ETFBKMT: variants seen among roughly 807,000 people sequenced by gnomAD.
The protein encoded by ETFBKMT is electron transfer flavoprotein subunit beta lysine methyltransferase.
Under a neutral mutation model 18.3 loss-of-function variants are expected in ETFBKMT, and 13 were observed. The ratio of observed to expected loss-of-function variants is 0.71; its 90% confidence interval spans 0.46 to 1.13. The LOEUF (loss-of-function observed/expected upper bound fraction) is 1.13. Among genes scored for constraint, ETFBKMT ranks in the 50% most tolerant of loss-of-function variants. ETFBKMT has a pLI of 0.00. For synonymous variants in ETFBKMT, 84 were observed against 107.9 expected (o/e 0.78, Z 1.37); for missense variants, 293 against 306.2 (o/e 0.96, Z 0.32).
chr12:31,662,021 G>C lies in ETFBKMT; in HGVS notation c.68G>C (p.Ser23Thr), dbSNP rs1951130623. 1.2e-6 allele frequency: 2 copies of C among 1,614,112 alleles called. No homozygotes were observed. Among genetic ancestry groups the C allele is most frequent in the South Asian group, 2.2e-5 (2 of 91,092 alleles). ...GGTCTCCTCTTGCAGGCTCTGCGAA[G>C]CAGTGGTCTTCTCTTGTTTCCCTGT... is the stretch of plus-strand genomic sequence containing the variant. ...HCGLLLQALRSSGLLLFPCGQ... is the reference protein window; with the variant it reads ...HCGLLLQALRTSGLLLFPCGQ... Residue 23 changes from serine to threonine, a missense_variant, in exon 2 of 4, where the codon AGC (serine) becomes ACC (threonine). Physicochemically the swap from Ser to Thr is moderately conservative, Grantham distance 58. Coordinates refer to ENST00000357721, the MANE Select transcript of ETFBKMT (RefSeq NM_001135863.2).
chr12:31,669,001 GTTTT>G lies in ETFBKMT; in HGVS notation c.*1015_*1018del, dbSNP rs1156993710. 2 of 152,080 alleles carry G rather than the reference GTTTT, an allele frequency of 1.3e-5. No homozygotes were observed. Among genetic ancestry groups the G allele is most frequent in the Non-Finnish European group, 2.9e-5 (2 of 68,026 alleles). The allele number at this position is 152,080 out of a possible 1,614,324, so 9.4% of individuals were successfully genotyped here. A position where few individuals can be genotyped will look rare whatever the true frequency, so the allele number is the denominator to read the frequency against. On this transcript the variant is annotated 3_prime_UTR_variant, in exon 4 of 4. Transcript: ENST00000357721. The stretch of plus-strand genomic sequence containing the variant: ...CTGATGCTTGTTTTCTTTTCAGACT[GTTTT>G]TTTGTCTTTTAGCATGCCTTGTAAT...
chr12:31,666,058 C>T (rs375574876), intron 2 of ETFBKMT, 29 bp from the exon 3 acceptor site: 2 of 1,597,524 alleles, frequency 1.3e-6, no homozygotes, highest in Non-Finnish European at 1.7e-6. Context: ...CCTCATCTCT[C>T]TGAGACATGT....
At chr12:31,656,847 G>A (rs1281900887), upstream of ETFBKMT, among the ~76,000 whole-genome samples, 3 of 152,104 alleles carry the variant, frequency 2.0e-5, no homozygotes, top group Non-Finnish European at 2.9e-5. Flanking sequence ...ATTCAAGTTT[G>A]ATCCTCTCAC....
upstream of ETFBKMT, among the ~76,000 whole-genome samples, chr12:31,659,004 G>A (rs1246473311): frequency 6.6e-6 from 1 of 150,692 alleles, no homozygotes; most frequent in African/African-American, 2.4e-5. Flanking sequence ...AGTGCGACTG[G>A]CACATAGTAG....
At chr12:31,665,541 G>A (rs746150257) in intron 2 of ETFBKMT, among the ~76,000 whole-genome samples, 6 of 151,660 alleles carry the variant, frequency 4.0e-5, no homozygotes, top group South Asian at 2.1e-4. Context: ...AGACCAGCTC[G>A]GCTGGGGAGA....
chr12:31,662,311 G>C (rs1223343875), intron 2 of ETFBKMT, 44 bp downstream of exon 2: 3 of 1,575,986 alleles, frequency 1.9e-6, no homozygotes, highest in Non-Finnish European at 2.6e-6. Context: ...GATCTTTGCT[G>C]TTTTCAGTTC....
At chr12:31,661,787 A>G in intron 1 of ETFBKMT, 54 bp from the exon 2 acceptor site, 1 of 663,834 alleles carries the variant, frequency 1.5e-6, no homozygotes, top group South Asian at 1.9e-5. Context: ...AATAGGATCT[A>G]GAAATGTTGC....
In ETFBKMT at chr12:31,669,183, G is replaced by C. The variant is rs1565753561; in HGVS notation, c.*1193G>C. 6.6e-6 allele frequency: 1 copy of C among 152,134 alleles called. No individual in the cohort carries two copies. The highest frequency in any genetic ancestry group is 1.5e-5 in the Non-Finnish European group (1 of 68,036). 9.4% of individuals were successfully genotyped at this position (152,134 alleles called of 1,614,324 possible). A position where few individuals can be genotyped will look rare whatever the true frequency, so the allele number is the denominator to read the frequency against. Reference sequence around the variant, plus strand: ...TAGTGTCCTGGCTATTGTCTCCTCTGTTATCTTTGAGTTTCCCTAGAGATT... The same window carrying C: ...TAGTGTCCTGGCTATTGTCTCCTCTCTTATCTTTGAGTTTCCCTAGAGATT... On this transcript the variant is annotated 3_prime_UTR_variant, in exon 4 of 4. Transcript: ENST00000357721.
chr12:31,650,533 C>T (rs1267223148), intron 1 of ETFBKMT, among the ~76,000 whole-genome samples: 1 of 151,744 alleles, frequency 6.6e-6, no homozygotes, highest in African/African-American at 2.4e-5. Context: ...TTCTTTCTTG[C>T]GTGAGATCCA....
rs11833865 is a variant in ETFBKMT, at chr12:31,668,082, T to C, written c.*92T>C. 4,473 of 980,308 alleles carry C rather than the reference T, an allele frequency of 4.6e-3. 122 individuals carry two copies. In the African/African-American group the frequency reaches 0.064, roughly 14 times the overall value. The allele number at this position is 980,308 out of a possible 1,614,324, so 60.7% of individuals were successfully genotyped here. On this transcript the variant is annotated 3_prime_UTR_variant, in exon 4 of 4. Coordinates refer to ENST00000357721, the MANE Select transcript of ETFBKMT (RefSeq NM_001135863.2). ...AGGAGATACTCTCCAGTTTAATGAA[T>C]GTAATTCTTGTTAAATGGAAAATCT...
chr12:31,657,001 C>A (rs569989383), upstream of ETFBKMT, among the ~76,000 whole-genome samples: 40 of 152,282 alleles, frequency 2.6e-4, no homozygotes, highest in Non-Finnish European at 5.6e-4. Context: ...CTTATTAAAT[C>A]TTCCTAAAAC....
At position 31,649,141 on chromosome 12, in the gene ETFBKMT, G is replaced by A. The variant is rs1483546250; in HGVS notation, c.-114+1886G>A. 3.9e-5 allele frequency among the ~76,000 whole-genome samples: 6 copies of A among 152,150 alleles called. No homozygotes were observed. The South Asian group carries it at 6.2e-4, about 16-fold the overall frequency. On this transcript the variant is annotated intron_variant, in intron 1 of 3. Coordinates refer to the ETFBKMT transcript ENST00000412352. The stretch of plus-strand genomic sequence containing the variant: ...TAATGTTTTGTATTTTAGTAGAGAC[G>A]GGGTTTCACCGTGTTGCCCAGGCTG...
chr12:31,672,469 A>G lies in ETFBKMT; in HGVS notation c.*4479A>G. 1 of 903,766 alleles carries G rather than the reference A, an allele frequency of 1.1e-6. No homozygotes were observed. The allele number at this position is 903,766 out of a possible 1,614,324, so 56.0% of individuals were successfully genotyped here. A position where few individuals can be genotyped will look rare whatever the true frequency, so the allele number is the denominator to read the frequency against. The stretch of plus-strand genomic sequence containing the variant: ...AACTGGAGGTGATGTTAATTATTAT[A>G]CAGTTATTTAAAGGATTAAAGGAGG... On this transcript the variant is annotated 3_prime_UTR_variant, in exon 4 of 4. Coordinates refer to ENST00000357721, the MANE Select transcript of ETFBKMT (RefSeq NM_001135863.2).
At chr12:31,665,162 C>T (rs1951178078) in intron 2 of ETFBKMT, among the ~76,000 whole-genome samples, 2 of 152,098 alleles carry the variant, frequency 1.3e-5, no homozygotes, top group African/African-American at 4.8e-5. Context: ...GTCTCGAACT[C>T]CTGACCTCAG....
Position 31,661,966 on chromosome 12 carries a change from C to A in ETFBKMT, c.13C>A (p.Leu5Ile), listed in dbSNP as rs1156250727. ...GGGGAAAGGACTGATGGCTTTGAGT[C>A]TAGGTTGGAAAGCACACAGGAACCA... MALS[L>I]GWKAHRNHCG... The change falls in exon 2 of 4, where the codon CTA becomes ATA. Residue 5 changes from leucine (L) to isoleucine (I), a missense_variant. Transcript: ENST00000357721. 6.2e-7 allele frequency: 1 copy of A among 1,613,666 alleles called. No individual in the cohort carries two copies. Among genetic ancestry groups the A allele is most frequent in the Non-Finnish European group, 8.5e-7 (1 of 1,179,778 alleles).
At chr12:31,661,566 C>T (rs1403714585) in intron 1 of ETFBKMT, among the ~76,000 whole-genome samples, 2 of 152,054 alleles carry the variant, frequency 1.3e-5, no homozygotes, top group Non-Finnish European at 2.9e-5. Context: ...ACCTCCGCCT[C>T]CCGGGTTCAA....
chr12:31,663,299 A>T (rs1951151734), intron 2 of ETFBKMT, among the ~76,000 whole-genome samples: 1 of 151,908 alleles, frequency 6.6e-6, no homozygotes, highest in Admixed American at 6.6e-5. Flanking sequence ...CACCATGTTG[A>T]TCAGGCTGGT....
chr12:31,655,551 A>G (rs1025411675), upstream of ETFBKMT, among the ~76,000 whole-genome samples: 10 of 152,220 alleles, frequency 6.6e-5, no homozygotes, highest in African/African-American at 2.4e-4. Flanking sequence ...TGCAAAAACA[A>G]AGATGACATC....
At chr12:31,664,939 C>CTT (rs57572915) in intron 2 of ETFBKMT, among the ~76,000 whole-genome samples, 4,368 of 121,446 alleles carry the variant, frequency 0.036, 165 homozygotes, top group East Asian at 0.13. Context: ...TTCTTTCTTT[C>CTT]TTTTTTTTTT....
Sources: gnomAD v4.1 joint callset for allele counts (sites outside exome capture counted in the v4.1 genomes callset) on GRCh38, gnomAD v4.1.1 for gene constraint, MANE v1.5 for transcripts, NCBI Gene and HGNC (gene_info 2026-07-23, HGNC 2026-07-21) for gene names.